ADAMTS16: variants seen among roughly 807,000 people sequenced by gnomAD.
ADAMTS16 encodes the protein A disintegrin and metalloproteinase with thrombospondin motifs 16.
Under a neutral mutation model 145.8 loss-of-function variants are expected in ADAMTS16, and 94 were observed. The ratio of observed to expected loss-of-function variants is 0.64; its 90% confidence interval spans 0.55 to 0.77. ADAMTS16 has a LOEUF of 0.77. ADAMTS16 is among the 30% of genes least tolerant of loss of function. The pLI, the probability that ADAMTS16 is intolerant of heterozygous loss-of-function variation, is 0.00. For synonymous variants in ADAMTS16, 659 were observed against 604.3 expected (o/e 1.09, Z -1.33); for missense variants, 1,585 against 1,591.5 (o/e 1.00, Z 0.07).
chr5:5,301,149 G>A (rs1222189931), intron 18 of ADAMTS16, among the ~76,000 whole-genome samples: 1 of 152,156 alleles, frequency 6.6e-6, no homozygotes. Context: ...ACAGCCCACT[G>A]CTGCCTTGAC....
At chr5:5,307,963 C>G (rs563662912) in intron 21 of ADAMTS16, among the ~76,000 whole-genome samples, 2 of 152,192 alleles carry the variant, frequency 1.3e-5, no homozygotes, top group Non-Finnish European at 2.9e-5. Flanking sequence ...AAGACCCGGT[C>G]GAAGCCTATT....
intron 8 of ADAMTS16, 43 bp downstream of exon 8, chr5:5,191,833 C>A: frequency 7.0e-7 from 1 of 1,433,690 alleles, no homozygotes; most frequent in Non-Finnish European, 9.7e-7. Context: ...GAGTTTTTTC[C>A]TTACTGGATG....
intron 8 of ADAMTS16, among the ~76,000 whole-genome samples, chr5:5,195,935 A>C (rs1018942643): frequency 6.6e-6 from 1 of 152,194 alleles, no homozygotes; most frequent in African/African-American, 2.4e-5. Flanking sequence ...TCTTAAAAGA[A>C]GCAGCATTGG....
chr5:5,312,011 T>C (rs892892680), intron 21 of ADAMTS16, among the ~76,000 whole-genome samples: 2 of 152,028 alleles, frequency 1.3e-5, no homozygotes, highest in African/African-American at 4.8e-5. Flanking sequence ...GCCACTGCAC[T>C]CGGCCATCGG....
At chr5:5,294,724 T>A (rs1341478327) in intron 18 of ADAMTS16, among the ~76,000 whole-genome samples, 1 of 152,078 alleles carries the variant, frequency 6.6e-6, no homozygotes, top group Non-Finnish European at 1.5e-5. Flanking sequence ...GCTGGAAAAT[T>A]GGAAAGCCGA....
intron 3 of ADAMTS16, among the ~76,000 whole-genome samples, chr5:5,177,894 C>A (rs539164567): frequency 6.6e-6 from 1 of 152,276 alleles, no homozygotes; most frequent in South Asian, 2.1e-4. Context: ...ACCTGAGACA[C>A]GCTTGGAACT....
chr5:5,167,474 A>G (rs997427), intron 3 of ADAMTS16, among the ~76,000 whole-genome samples: 81,081 of 152,064 alleles, frequency 0.53, 22,439 homozygotes, highest in Middle Eastern at 0.75. Flanking sequence ...ACAGGATCTC[A>G]GAATCTTAAG....
intron 18 of ADAMTS16, among the ~76,000 whole-genome samples, chr5:5,302,087 G>C (rs1253384642): frequency 1.3e-5 from 2 of 152,178 alleles, no homozygotes; most frequent in Non-Finnish European, 2.9e-5. Flanking sequence ...ATGGCGCCAT[G>C]TTTCCCCCTT....
At chr5:5,155,051 A>G (rs1010835008) in intron 3 of ADAMTS16, among the ~76,000 whole-genome samples, 2 of 152,258 alleles carry the variant, frequency 1.3e-5, no homozygotes, top group African/African-American at 4.8e-5. Flanking sequence ...AAAGAGAGTA[A>G]AAGAGTCCAA....
At chr5:5,315,805 C>T (rs193181779) in intron 21 of ADAMTS16, among the ~76,000 whole-genome samples, 77 of 152,220 alleles carry the variant, frequency 5.1e-4, no homozygotes, top group Admixed American at 1.3e-3. Context: ...TGAAATCAAA[C>T]GTGAATCTCC....
At chr5:5,234,182 G>T (rs1737025315) in intron 12 of ADAMTS16, among the ~76,000 whole-genome samples, 1 of 152,226 alleles carries the variant, frequency 6.6e-6, no homozygotes, top group African/African-American at 2.4e-5. Flanking sequence ...CATTACCAGT[G>T]TGTACATGCA....
At chr5:5,296,736 C>T (rs868052966) in intron 18 of ADAMTS16, among the ~76,000 whole-genome samples, 1 of 152,142 alleles carries the variant, frequency 6.6e-6, no homozygotes, top group Non-Finnish European at 1.5e-5. Context: ...CCCCTTTGTG[C>T]TATCGTTGGA....
At chr5:5,143,042 A>G (rs886082569) in intron 2 of ADAMTS16, among the ~76,000 whole-genome samples, 5 of 152,218 alleles carry the variant, frequency 3.3e-5, no homozygotes, top group Admixed American at 6.5e-5. Context: ...TACACCTTAT[A>G]CAGAATCTAA....
intron 18 of ADAMTS16, among the ~76,000 whole-genome samples, chr5:5,292,774 A>G (rs1326558277): frequency 1.3e-5 from 2 of 151,964 alleles, no homozygotes; most frequent in African/African-American, 4.8e-5. Flanking sequence ...TTCACTGTTG[A>G]CTTCCTGCAC....
chr5:5,169,763 G>T (rs545840860), intron 3 of ADAMTS16, among the ~76,000 whole-genome samples: 2 of 152,106 alleles, frequency 1.3e-5, no homozygotes, highest in African/African-American at 4.8e-5. Flanking sequence ...CTGCTGAGAG[G>T]GTGCTTACTG....
chr5:5,297,422 G>C (rs551212087), intron 18 of ADAMTS16, among the ~76,000 whole-genome samples: 1 of 152,214 alleles, frequency 6.6e-6, no homozygotes, highest in African/African-American at 2.4e-5. Flanking sequence ...GAGTTGACTG[G>C]TTTCCCTTTT....
chr5:5,149,055 C>G (rs1734376982), intron 3 of ADAMTS16, among the ~76,000 whole-genome samples: 1 of 152,224 alleles, frequency 6.6e-6, no homozygotes, highest in Non-Finnish European at 1.5e-5. Flanking sequence ...CTGCTGGCAT[C>G]TGCCAAGCTC....
Position 5,209,160 on chromosome 5 carries a change from T to C in ADAMTS16, c.1519T>C (p.Leu507=), listed in dbSNP as rs1281722867. The part of the protein sequence containing the change: ...PVKEYKYPEK[L]PGELYDANTQ... The stretch of plus-strand genomic sequence containing the variant: ...GAAGGAATACAAGTATCCTGAGAAA[T>C]TGCCAGGAGAATTATATGATGCAAA... The change falls in exon 10 of 23, where the codon TTG becomes CTG. Residue 507 remains leucine, a synonymous_variant. Coordinates refer to ENST00000274181, the MANE Select transcript of ADAMTS16 (RefSeq NM_139056.4). 4 of 1,613,886 alleles carry C rather than the reference T, an allele frequency of 2.5e-6. No homozygotes were observed. The highest frequency in any genetic ancestry group is 3.4e-6 in the Non-Finnish European group (4 of 1,179,904).
At chr5:5,240,692 C>T (rs2059798) in intron 16 of ADAMTS16, among the ~76,000 whole-genome samples, 23,641 of 152,106 alleles carry the variant, frequency 0.16, 1,938 homozygotes, top group Middle Eastern at 0.19. Flanking sequence ...CATCCTCTTG[C>T]GTCTTCCTGG....
Sources: gnomAD v4.1 joint callset for allele counts (sites outside exome capture counted in the v4.1 genomes callset) on GRCh38, gnomAD v4.1.1 for gene constraint, MANE v1.5 for transcripts, NCBI Gene and HGNC (gene_info 2026-07-23, HGNC 2026-07-21) for gene names.